Variants in FAM120A observed in about 807,000 individuals in gnomAD.
FAM120A encodes constitutive coactivator of PPAR-gamma-like protein 1.
A neutral mutation model predicts 109.7 loss-of-function variants in FAM120A; 15 were observed. The ratio of observed to expected loss-of-function variants is 0.14; its 90% CI spans 0.09 to 0.21. FAM120A has a LOEUF of 0.21. Ranked by LOEUF, FAM120A falls within the 10% of genes least tolerant of loss-of-function variation. FAM120A has a pLI of 1.00. For missense variants in FAM120A, 899 were observed against 1,439.3 expected, an observed-to-expected ratio of 0.62 and a Z score of 6.07; for synonymous variants, 493 against 572.8, an observed-to-expected ratio of 0.86 and a Z score of 1.99.
At chr9:93,539,143 A>G (rs1588895461) in intron 10 of FAM120A, among the ~76,000 whole-genome samples, 1 of 152,004 alleles carries the variant, frequency 6.6e-6, no homozygotes. Context: ...GACTGCAGGC[A>G]CCTGCCACCA....
chr9:93,531,367 G>C (rs1861324203), intron 9 of FAM120A: 1 of 152,182 alleles, frequency 6.6e-6, no homozygotes, highest in Non-Finnish European at 1.5e-5. Context: ...TAAATGCATT[G>C]TTGTGCTCTG....
intron 1 of FAM120A, among the ~76,000 whole-genome samples, chr9:93,469,344 G>A (rs576212626): frequency 6.6e-6 from 1 of 152,282 alleles, no homozygotes; most frequent in South Asian, 2.1e-4. Flanking sequence ...GGAACAAGCT[G>A]ACTTTTCTAG....
chr9:93,529,248 TTTGTCCCCTCCG>T (rs1861220423), intron 8 of FAM120A, 93 bp from the exon 9 acceptor site: 2 of 1,028,878 alleles, frequency 1.9e-6, no homozygotes, highest in Non-Finnish European at 1.4e-6. Context: ...AGGACTCATC[TTTGTCCCCTCCG>T]TGTCTGTCAG....
intron 1 of FAM120A, among the ~76,000 whole-genome samples, chr9:93,454,418 G>A (rs1303404850): frequency 6.6e-6 from 1 of 152,002 alleles, no homozygotes; most frequent in Non-Finnish European, 1.5e-5. Context: ...GATGTGGGGG[G>A]TTGGCGGGTG....
At chr9:93,563,220 C>A (rs1253171666) in intron 17 of FAM120A, among the ~76,000 whole-genome samples, 2 of 152,126 alleles carry the variant, frequency 1.3e-5, no homozygotes, top group Non-Finnish European at 2.9e-5. Flanking sequence ...AATGGGAGGC[C>A]TAGAAGATGC....
Position 93,507,315 on chromosome 9 carries a change from G to A in FAM120A, c.1031-8352G>A, listed in dbSNP as rs77254203. 1.3e-4 allele frequency among the ~76,000 whole-genome samples: 20 copies of A among 152,310 alleles called. No individual in the cohort carries two copies. The East Asian group carries it at 3.5e-3, about 26-fold the overall frequency. On this transcript the variant is annotated intron_variant, in intron 5 of 17. Transcript: ENST00000277165. ...TATAGAAGCTCAATGAAAAGAATTC[G>A]GGGGAAATGGCTCCCAGAGTTTTGG...
chr9:93,495,945 C>T (rs1187299471), intron 3 of FAM120A, among the ~76,000 whole-genome samples: 6 of 152,258 alleles, frequency 3.9e-5, no homozygotes, highest in Non-Finnish European at 5.9e-5. Context: ...ATGTCCTATT[C>T]TAAATCCTTT....
At chr9:93,556,348 T>C in intron 12 of FAM120A, 34 bp from the exon 13 acceptor site, 1 of 1,554,838 alleles carries the variant, frequency 6.4e-7, no homozygotes, top group Non-Finnish European at 8.9e-7. Flanking sequence ...TGTAGTACTC[T>C]TATTCCATAG....
rs976821273 is a variant in FAM120A at position 93,500,641 on chromosome 9, A to T, written c.1030+1755A>T. On this transcript the variant is annotated intron_variant, in intron 5 of 17. Coordinates refer to ENST00000277165, the MANE Select transcript of FAM120A (RefSeq NM_014612.5). This position sits in a 1 kb window ranked among gnomAD's most constrained non-coding sequence, Gnocchi z 4.6. ...ATTGATCCACTTGGTTTTTAAATCAAGAGAGTGAAGTGGTGAGATGTGTTT... is the reference window on the plus strand; with the variant it reads ...ATTGATCCACTTGGTTTTTAAATCATGAGAGTGAAGTGGTGAGATGTGTTT... Among the ~76,000 whole-genome samples the T allele has an allele frequency of 5.3e-5, 8 of 152,376 alleles. No individual in the cohort carries two copies. Among genetic ancestry groups the T allele is most frequent in the Non-Finnish European group, 1.2e-4 (8 of 68,040 alleles).
At chr9:93,501,093 A>G (rs1260586590) in intron 5 of FAM120A, among the ~76,000 whole-genome samples, 1 of 152,198 alleles carries the variant, frequency 6.6e-6, no homozygotes. Flanking sequence ...TGGAATGAGC[A>G]GTGAGGAGCC....
At chr9:93,473,205 CAG>C (rs1162758145) in intron 2 of FAM120A, among the ~76,000 whole-genome samples, 3 of 151,978 alleles carry the variant, frequency 2.0e-5, no homozygotes, top group African/African-American at 7.3e-5. Context: ...TTAGTAGAGA[CAG>C]GGTTTCACCA....
chr9:93,534,674 A>G (rs1231577201), intron 10 of FAM120A, among the ~76,000 whole-genome samples: 1 of 151,938 alleles, frequency 6.6e-6, no homozygotes, highest in Admixed American at 6.6e-5. Context: ...GGTTATTGTT[A>G]TGTTATTTTT....
chr9:93,558,421 C>T (rs964381573), intron 14 of FAM120A, among the ~76,000 whole-genome samples, 160 bp from the exon 15 acceptor site: 10 of 130,828 alleles, frequency 7.6e-5, no homozygotes, highest in Non-Finnish European at 1.8e-5. Context: ...ATACTGGTCC[C>T]CAGGGACCAT....
At chr9:93,492,105 G>GT (rs1351536322) in intron 3 of FAM120A, among the ~76,000 whole-genome samples, 5 of 151,800 alleles carry the variant, frequency 3.3e-5, no homozygotes, top group African/African-American at 1.2e-4. Flanking sequence ...GTCTTGATGT[G>GT]TTTTTTTCCC....
At chr9:93,513,053 C>A (rs190368457) in intron 5 of FAM120A, among the ~76,000 whole-genome samples, 1 of 152,294 alleles carries the variant, frequency 6.6e-6, no homozygotes, top group Admixed American at 6.5e-5. Flanking sequence ...CTACATGAGT[C>A]TAGCCTTAGA....
chr9:93,471,107 C>T lies in FAM120A; in HGVS notation c.475-34C>T, dbSNP rs575302951. ...TTGAGCTTGTTGCTACAGTGTTACC[C>T]TACATCTGATGAAGTTTTTTTCTCG... On this transcript the variant is annotated intron_variant, in intron 1 of 17. Coordinates refer to ENST00000277165, the MANE Select transcript of FAM120A (RefSeq NM_014612.5). 6.1e-5 allele frequency: 99 copies of T among 1,612,094 alleles called. No homozygotes were observed. The South Asian group carries it at 1.1e-3, about 18-fold the overall frequency.
Position 93,516,288 on chromosome 9 carries a change from G to A in FAM120A, c.1418+19G>A, listed in dbSNP as rs1166275302. 1.9e-5 allele frequency: 30 copies of A among 1,600,428 alleles called. No individual in the cohort carries two copies. The highest frequency in any genetic ancestry group is 1.7e-4 in the Middle Eastern group (1 of 5,940). On this transcript the variant is annotated intron_variant, in intron 7 of 17. Transcript: ENST00000277165. ...CGACAAAGTGAGTGGTGCGTGGGTC[G>A]CTGGGTGCTTCCTGGCGGGTAGTGA... is the stretch of plus-strand genomic sequence containing the variant.
At chr9:93,545,839 G>A (rs1168367293) in intron 11 of FAM120A, among the ~76,000 whole-genome samples, 2 of 115,694 alleles carry the variant, frequency 1.7e-5, no homozygotes, top group East Asian at 5.6e-4. Flanking sequence ...TCGCTGGAGT[G>A]CAATGGTGTG....
At chr9:93,479,047 G>A (rs188232661) in intron 3 of FAM120A, among the ~76,000 whole-genome samples, 273 of 145,020 alleles carry the variant, frequency 1.9e-3, no homozygotes, top group African/African-American at 6.2e-3. Flanking sequence ...TTGTGTTTTT[G>A]TATTATGTTG....
Sources: gnomAD v4.1 joint callset for allele counts (sites outside exome capture counted in the v4.1 genomes callset) on GRCh38, gnomAD v4.1.1 for gene constraint, Gnocchi (gnomAD v3.1) non-coding constraint, MANE v1.5 for transcripts, NCBI Gene and HGNC (gene_info 2026-07-23, HGNC 2026-07-21) for gene names.